Variants in PGM3 observed in about 807,000 individuals in gnomAD.
PGM3 encodes phosphoglucomutase 3, also known as phosphoacetylglucosamine mutase.
PGM3 carries 40 observed loss-of-function variants against 66.2 expected under a neutral mutation model. The observed-to-expected ratio is 0.60, with a 90% CI of 0.47 to 0.79. PGM3 has a LOEUF of 0.79. Ranked by LOEUF, PGM3 falls within the 30% of genes least tolerant of loss-of-function variation. PGM3 has a pLI of 0.00. For missense variants in PGM3, 537 were observed against 643.4 expected (o/e 0.83, Z 1.79); for synonymous variants, 191 against 224.2 (o/e 0.85, Z 1.32).
chr6:83,184,443 A>T (rs758153513), intron 4 of PGM3, among the ~76,000 whole-genome samples: 1 of 152,198 alleles, frequency 6.6e-6, no homozygotes, highest in Non-Finnish European at 1.5e-5. Context: ...AAAAATACAA[A>T]TAAGAGCTTA....
At chr6:83,164,188 A>G (rs977831999), downstream of PGM3, among the ~76,000 whole-genome samples, 5 of 150,496 alleles carry the variant, frequency 3.3e-5, no homozygotes, top group South Asian at 2.1e-4. Context: ...ACTGAATTCC[A>G]TAACTATAAA....
chr6:83,170,610 G>C, intron 11 of PGM3, 132 bp from the exon 12 acceptor site: 1 of 725,434 alleles, frequency 1.4e-6, no homozygotes, highest in South Asian at 2.2e-5. Flanking sequence ...TCCAAGGTCA[G>C]GGTAATTAAT....
rs565900346 is a variant in PGM3 at position 83,191,199 on chromosome 6, G to A, written c.-2-185C>T. On this transcript the variant is annotated intron_variant, in intron 1 of 12. Coordinates refer to ENST00000513973, the MANE Select transcript of PGM3 (RefSeq NM_015599.3). ...GGGTTAGAATTACCTACAAGATGTT[G>A]TCCAACTTGGTATGTCCACTCCTGG... The A allele has an allele frequency of 4.6e-6, 7 of 1,533,854 alleles. No individual in the cohort carries two copies. In the South Asian group the frequency reaches 8.3e-5, roughly 18 times the overall value.
At chr6:83,191,598 A>G (rs2128509933) in intron 1 of PGM3, among the ~76,000 whole-genome samples, 1 of 152,316 alleles carries the variant, frequency 6.6e-6, no homozygotes, top group South Asian at 2.1e-4. Flanking sequence ...ATCTTTTTCC[A>G]TTTGCTAAAA....
downstream of PGM3, among the ~76,000 whole-genome samples, chr6:83,158,324 A>T (rs938363065): frequency 1.3e-5 from 2 of 151,844 alleles, no homozygotes; most frequent in Non-Finnish European, 2.9e-5. Flanking sequence ...TTAATAACTA[A>T]CTCTGTTCCA....
chr6:83,182,881 C>T lies in PGM3; in HGVS notation c.555G>A (p.Gln185=), dbSNP rs4398694. ...GTTCCACAAAAGCCTTAGAGAGTTT[C>T]TGGTAGTAACCTTCTATAGTTGCCT... is the stretch of plus-strand genomic sequence containing the variant. ...YGKATIEGYY[Q]KLSKAFVELT... Residue 185 remains glutamine, a synonymous_variant, in exon 5 of 13, where the codon CAG becomes CAA. Coordinates refer to ENST00000513973, the MANE Select transcript of PGM3 (RefSeq NM_015599.3). 3.7e-6 allele frequency: 6 copies of T among 1,614,110 alleles called. No individual in the cohort carries two copies. The highest frequency in any genetic ancestry group is 5.1e-6 in the Non-Finnish European group (6 of 1,179,964).
In PGM3 at chr6:83,168,017, A is replaced by C. The variant is rs1786259871; in HGVS notation, c.*1217T>G. The C allele has an allele frequency of 6.2e-7, 1 of 1,614,048 alleles. No individual in the cohort carries two copies. The highest frequency in any genetic ancestry group is 8.5e-7 in the Non-Finnish European group (1 of 1,180,044). On this transcript the variant is annotated 3_prime_UTR_variant, in exon 13 of 13. Coordinates refer to ENST00000513973, the MANE Select transcript of PGM3 (RefSeq NM_015599.3). ...ACAGCAAAGTCACAAGCCGATGTGG[A>C]GGACACTCAGGGAGTCCTATCCTCT...
rs372899180 is a variant in PGM3 at position 83,190,964 on chromosome 6, T to G, written c.49A>C (p.Asn17His). Residue 17 changes from asparagine (N) to histidine (H), a missense_variant, in exon 2 of 13, where the codon AAT (asparagine) becomes CAT (histidine). Asn to His is a moderately conservative substitution (Grantham distance 68). Coordinates refer to ENST00000513973, the MANE Select transcript of PGM3 (RefSeq NM_015599.3). The stretch of plus-strand genomic sequence containing the variant: ...GTCCCGTATTGAAGGATCAGTCCAT[T>G]GGGCTTGGCGTGTAATGCTGAGTAT... ...TKYSALHAKP[N>H]GLILQYGTAG... is the part of the protein sequence containing the mutation. The G allele has an allele frequency of 3.1e-6, 5 of 1,614,110 alleles. No individual in the cohort carries two copies. The highest frequency in any genetic ancestry group is 3.4e-6 in the Non-Finnish European group (4 of 1,180,012).
intron 5 of PGM3, 72 bp downstream of exon 5, chr6:83,182,773 G>C (rs1788276325): frequency 5.1e-6 from 7 of 1,371,982 alleles, no homozygotes; most frequent in Non-Finnish European, 6.1e-6. Context: ...TGACAAACAA[G>C]ATAATTTGTT....
chr6:83,162,856 A>T (rs370423377), downstream of PGM3: 1 of 1,613,700 alleles, frequency 6.2e-7, no homozygotes, highest in Admixed American at 1.7e-5. Context: ...GGCAGGGTAT[A>T]CATCAACGAG....
intron 4 of PGM3, among the ~76,000 whole-genome samples, chr6:83,185,779 G>GTAAA (rs951048668): frequency 9.9e-5 from 15 of 151,788 alleles, no homozygotes; most frequent in East Asian, 9.7e-4. Flanking sequence ...AAATAAATAA[G>GTAAA]TAAATAAATA....
the PGM3 span, chr6:83,154,387 C>G: frequency 2.9e-6 from 2 of 682,038 alleles, no homozygotes; most frequent in South Asian, 3.8e-5. Flanking sequence ...AGGGAAAGCA[C>G]ACTACTTTCT....
intron 4 of PGM3, among the ~76,000 whole-genome samples, chr6:83,186,209 C>T (rs1414665838): frequency 6.6e-6 from 1 of 152,062 alleles, no homozygotes; most frequent in Non-Finnish European, 1.5e-5. Flanking sequence ...ACAATACCCA[C>T]CAGATTTGGC....
chr6:83,166,546 A>G lies in PGM3; in HGVS notation c.*2688T>C, dbSNP rs1395746881. On this transcript the variant is annotated 3_prime_UTR_variant, in exon 13 of 13. Transcript: ENST00000513973. ...TAGTCTAAAATAAATATAAACAGCA[A>G]TAAGTCATTAGCAAAAAAAAAGTGA... 4 of 641,868 alleles carry G rather than the reference A, an allele frequency of 6.2e-6. No homozygotes were observed. The highest frequency in any genetic ancestry group is 8.3e-6 in the Non-Finnish European group (3 of 360,678). The allele number at this position is 641,868 out of a possible 1,614,324, so 39.8% of individuals were successfully genotyped here.
At chr6:83,153,840 A>T in the PGM3 span, 1 of 1,537,136 alleles carries the variant, frequency 6.5e-7, no homozygotes, top group Non-Finnish European at 8.8e-7. Flanking sequence ...GTATAACTTG[A>T]TAGGATGATT....
intron 11 of PGM3, chr6:83,171,294 A>G (rs1481007143): frequency 6.6e-6 from 1 of 152,120 alleles, no homozygotes; most frequent in African/African-American, 2.4e-5. Flanking sequence ...ATTTATATCT[A>G]TTTTTAATTT....
rs1786010427 is a variant in PGM3 at position 83,167,378 on chromosome 6, C to T, written c.*1856G>A. The T allele has an allele frequency of 2.0e-6, 2 of 984,450 alleles. No individual in the cohort carries two copies. The highest frequency in any genetic ancestry group is 2.4e-6 in the Non-Finnish European group (2 of 829,090). 61.0% of individuals were successfully genotyped at this position (984,450 alleles called of 1,614,324 possible). A position where few individuals can be genotyped will look rare whatever the true frequency, so the allele number is the denominator to read the frequency against. On this transcript the variant is annotated 3_prime_UTR_variant, in exon 13 of 13. Transcript: ENST00000513973. Reference sequence around the variant, plus strand: ...CAGTAATTATTCACTTTGGACACTGCTACCATCATGGCAAATTTAGGCCAT... The same window carrying T: ...CAGTAATTATTCACTTTGGACACTGTTACCATCATGGCAAATTTAGGCCAT...
the PGM3 span, chr6:83,155,923 TCA>T: frequency 1.9e-6 from 3 of 1,600,528 alleles, no homozygotes; most frequent in South Asian, 1.1e-5. Flanking sequence ...GATGACAGTG[TCA>T]CAGTCTCTTT....
At chr6:83,153,177 T>G in the PGM3 span, among the ~76,000 whole-genome samples, 1 of 152,180 alleles carries the variant, frequency 6.6e-6, no homozygotes, top group Non-Finnish European at 1.5e-5. Context: ...AAACTACATT[T>G]TAGCTGAGTC....
Sources: gnomAD v4.1 joint callset for allele counts (sites outside exome capture counted in the v4.1 genomes callset) on GRCh38, gnomAD v4.1.1 for gene constraint, MANE v1.5 for transcripts, NCBI Gene and HGNC (gene_info 2026-07-23, HGNC 2026-07-21) for gene names.